The following KDM1B variants were observed in gnomAD, a reference collection of about 807,000 sequenced individuals.
KDM1B encodes the protein lysine-specific histone demethylase 2.
KDM1B carries 63 observed loss-of-function variants against 107.4 expected under a neutral mutation model. The ratio of observed to expected loss-of-function variants is 0.59; its 90% CI spans 0.48 to 0.72. The LOEUF (loss-of-function observed/expected upper bound fraction) is 0.72. Among genes scored for constraint, KDM1B ranks in the 30% least tolerant of loss-of-function variants. The pLI, the probability that KDM1B is intolerant of heterozygous loss-of-function variation, is 0.00. For synonymous variants in KDM1B, 363 were observed against 363.9 expected (o/e 1.00, Z 0.03); for missense variants, 749 against 1,020.8 (o/e 0.73, Z 3.63).
At position 18,159,883 on chromosome 6, in the gene KDM1B, A is replaced by G. The variant is rs760346649; in HGVS notation, c.-13A>G. 23 of 1,543,384 alleles carry G rather than the reference A, an allele frequency of 1.5e-5. No individual in the cohort carries two copies. Among genetic ancestry groups the G allele is most frequent in the Admixed American group, 8.7e-5 (5 of 57,686 alleles). On this transcript the variant is annotated splice_region_variant and 5_prime_UTR_variant, in exon 3 of 22. Coordinates refer to ENST00000650836, the MANE Select transcript of KDM1B (RefSeq NM_001364614.2). This position sits in a 1 kb window ranked among gnomAD's most constrained non-coding sequence, Gnocchi z 4.5. ...TAATGGTCTGATTTTTCTTTTGCAGATTATTTAATGTAATGGCAACTCCAC... is the reference window on the plus strand; with the variant it reads ...TAATGGTCTGATTTTTCTTTTGCAGGTTATTTAATGTAATGGCAACTCCAC...
intron 7 of KDM1B, among the ~76,000 whole-genome samples, chr6:18,184,736 CTT>C (rs58897300): frequency 0.014 from 936 of 65,460 alleles, 21 homozygotes; most frequent in African/African-American, 0.047. Context: ...AGCTTTTTTC[CTT>C]TTTTTTTTTT....
Position 18,188,013 on chromosome 6 carries a change from T to C in KDM1B, c.784+11T>C. The C allele has an allele frequency of 6.5e-7, 1 of 1,546,660 alleles. No homozygotes were observed. The highest frequency in any genetic ancestry group is 8.7e-7 in the Non-Finnish European group (1 of 1,143,738). On this transcript the variant is annotated intron_variant, in intron 9 of 21. Transcript: ENST00000650836. ...CCCTCTCCGTGCACGGTGAGAGCCA[T>C]TCCTGGGACTCCCTGCTTTCTATTC...
chr6:18,208,233 G>A (rs1283087611), intron 17 of KDM1B, 27 bp downstream of exon 17: 1 of 1,537,476 alleles, frequency 6.5e-7, no homozygotes, highest in Non-Finnish European at 8.9e-7. Context: ...TACAAGGGTG[G>A]GTAGAAACCT....
chr6:18,182,431 A>G (rs1410624243), intron 7 of KDM1B, among the ~76,000 whole-genome samples: 1 of 152,226 alleles, frequency 6.6e-6, no homozygotes, highest in African/African-American at 2.4e-5. Flanking sequence ...AAAAAGAACA[A>G]TTGACAACTC....
At chr6:18,175,318 AC>A (rs1457062434) in intron 7 of KDM1B, among the ~76,000 whole-genome samples, 2 of 152,030 alleles carry the variant, frequency 1.3e-5, no homozygotes, top group African/African-American at 4.8e-5. Flanking sequence ...TCCTTAGCCC[AC>A]TTTTTGATGG....
rs1444225153 is a variant in KDM1B, at chr6:18,201,381, T to G, written c.1360-105T>G. ...TATTTAGCTTTATTTTTGAGAGATA[T>G]GAGACCATTTTCTCCATGAGAGCTC... On this transcript the variant is annotated intron_variant, in intron 13 of 21. Coordinates refer to ENST00000650836, the MANE Select transcript of KDM1B (RefSeq NM_001364614.2). The surrounding 1 kb of genome is among the most constrained non-coding windows in gnomAD (Gnocchi z 4.3). The G allele has an allele frequency of 1.3e-6, 1 of 788,780 alleles. No homozygotes were observed. The highest frequency in any genetic ancestry group is 2.9e-5 in the Admixed American group (1 of 34,210). 48.9% of individuals were successfully genotyped at this position (788,780 alleles called of 1,614,324 possible).
At position 18,215,092 on chromosome 6, in the gene KDM1B, A is replaced by C; in HGVS notation, c.2195A>C (p.Gln732Pro). ...CTGGATGACAAACAGGTGCTGCAGC[A>C]GTGCATGGCCACGCTCCGGGAGCTG... The part of the protein sequence containing the change: ...RTLDDKQVLQ[Q>P]CMATLRELFK... The change falls in exon 20 of 22, where the codon CAG (glutamine) becomes CCG (proline). Residue 732 changes from glutamine (Q) to proline (P), a missense_variant. Gln to Pro is a moderately conservative substitution (Grantham distance 76). Transcript: ENST00000650836. 1 of 1,613,788 alleles carries C rather than the reference A, an allele frequency of 6.2e-7. No individual in the cohort carries two copies. Among genetic ancestry groups the C allele is most frequent in the South Asian group, 1.1e-5 (1 of 91,080 alleles).
At chr6:18,169,119 G>A (rs775143245) in intron 6 of KDM1B, among the ~76,000 whole-genome samples, 2 of 151,918 alleles carry the variant, frequency 1.3e-5, no homozygotes, top group Non-Finnish European at 2.9e-5. Context: ...TGATCTGCTC[G>A]CCTCGGCGTC....
At chr6:18,167,213 C>G (rs886432017) in intron 6 of KDM1B, among the ~76,000 whole-genome samples, 1 of 151,594 alleles carries the variant, frequency 6.6e-6, no homozygotes, top group Non-Finnish European at 1.5e-5. Context: ...AAAAATTAGC[C>G]GGGCGTGGTG....
chr6:18,209,126 A>AT lies in KDM1B; in HGVS notation c.1866+926dup, dbSNP rs922763045. On this transcript the variant is annotated intron_variant, in intron 17 of 21. Transcript: ENST00000650836. This position sits in a 1 kb window ranked among gnomAD's most constrained non-coding sequence, Gnocchi z 4.3. ...TCAGAAGTACTTTCATATGGCTTAAATTTTTTGTAAACAGCTTTATAGTAG... is the reference window on the plus strand; with the variant it reads ...TCAGAAGTACTTTCATATGGCTTAAATTTTTTTGTAAACAGCTTTATAGTAG... Among the ~76,000 whole-genome samples the AT allele has an allele frequency of 3.3e-5, 5 of 152,130 alleles. No individual in the cohort carries two copies. The highest frequency in any genetic ancestry group is 4.8e-5 in the African/African-American group (2 of 41,440).
intron 20 of KDM1B, 47 bp downstream of exon 20, chr6:18,215,176 A>C (rs372453019): frequency 2.5e-6 from 4 of 1,584,344 alleles, no homozygotes; most frequent in Non-Finnish European, 3.4e-6. Flanking sequence ...CGTGCTTGCT[A>C]TCCAGAGCAG....
intron 3 of KDM1B, among the ~76,000 whole-genome samples, chr6:18,161,109 T>G (rs1432306822): frequency 6.6e-6 from 1 of 152,162 alleles, no homozygotes; most frequent in Non-Finnish European, 1.5e-5. Context: ...TGCTTAGACA[T>G]CTGTTGTTAA....
intron 10 of KDM1B, among the ~76,000 whole-genome samples, chr6:18,192,902 G>A (rs1008169676): frequency 1.3e-5 from 2 of 151,698 alleles, no homozygotes; most frequent in African/African-American, 4.8e-5. Flanking sequence ...ACAATTTATT[G>A]TGTATACCGG....
chr6:18,178,836 TG>T (rs1786230096), intron 7 of KDM1B, among the ~76,000 whole-genome samples: 1 of 152,270 alleles, frequency 6.6e-6, no homozygotes. Flanking sequence ...TAGATTCCTT[TG>T]GGTTGTCTGC....
At chr6:18,165,395 G>C (rs1267873379) in intron 5 of KDM1B, among the ~76,000 whole-genome samples, 1 of 152,034 alleles carries the variant, frequency 6.6e-6, no homozygotes, top group Non-Finnish European at 1.5e-5. Context: ...CTCCCAAAGT[G>C]CTGGGATTAC....
At chr6:18,171,171 C>T (rs889459820) in intron 6 of KDM1B, among the ~76,000 whole-genome samples, 192 bp from the exon 7 acceptor site, 1 of 152,142 alleles carries the variant, frequency 6.6e-6, no homozygotes, top group African/African-American at 2.4e-5. Context: ...CTTTCCTCAC[C>T]CTGAGGAAGT....
Position 18,213,043 on chromosome 6 carries a change from G to A in KDM1B, c.1983+439G>A, listed in dbSNP as rs984283817. ...GTGAGAGTTTAACTTAGGGACATAC[G>A]CCCAGGAGTGAGTCTTAGGAATGCT... On this transcript the variant is annotated intron_variant, in intron 18 of 21. Transcript: ENST00000650836. The surrounding 1 kb of genome is among the most constrained non-coding windows in gnomAD (Gnocchi z 5.9). Among the ~76,000 whole-genome samples, 2 of 152,072 alleles carry A rather than the reference G, an allele frequency of 1.3e-5. No homozygotes were observed. Among genetic ancestry groups the A allele is most frequent in the East Asian group, 1.9e-4 (1 of 5,176 alleles).
chr6:18,212,464 T>A lies in KDM1B; in HGVS notation c.1867-24T>A. ...GTGAGGTTCTGTTGCTGTTTGTTTG[T>A]TAACTGTTAATTATTTTCCACAGGT... On this transcript the variant is annotated intron_variant, in intron 17 of 21. Coordinates refer to ENST00000650836, the MANE Select transcript of KDM1B (RefSeq NM_001364614.2). This position sits in a 1 kb window ranked among gnomAD's most constrained non-coding sequence, Gnocchi z 5.2. The A allele has an allele frequency of 7.2e-7, 1 of 1,385,506 alleles. No individual in the cohort carries two copies. Among genetic ancestry groups the A allele is most frequent in the Non-Finnish European group, 1.0e-6 (1 of 971,348 alleles). 85.8% of individuals were successfully genotyped at this position (1,385,506 alleles called of 1,614,324 possible).
chr6:18,216,342 A>C (rs1410292571), intron 20 of KDM1B, among the ~76,000 whole-genome samples: 2 of 152,130 alleles, frequency 1.3e-5, no homozygotes, highest in South Asian at 2.1e-4. Flanking sequence ...CGGCCTCCTA[A>C]AGTGCTGGGA....
Sources: allele counts gnomAD v4.1 joint callset (sites outside exome capture counted in the v4.1 genomes callset), GRCh38; gene constraint gnomAD v4.1.1; non-coding constraint Gnocchi (gnomAD v3.1); transcripts MANE v1.5; gene names NCBI Gene and HGNC (gene_info 2026-07-23, HGNC 2026-07-21).